The following BMPR1B variants were observed in gnomAD, a reference collection of about 807,000 sequenced individuals.
BMPR1B encodes bone morphogenetic protein receptor type 1B.
A neutral mutation model predicts 59.1 loss-of-function variants in BMPR1B; 12 were observed. That is an observed-to-expected ratio of 0.20 (90% CI 0.13 to 0.33). The LOEUF (loss-of-function observed/expected upper bound fraction) is 0.33, where lower values mean the gene tolerates loss of function less well. BMPR1B is among the 10% of genes least tolerant of loss of function. The pLI is 1.00. For missense variants in BMPR1B, 550 were observed against 610.9 expected (o/e 0.90, Z 1.05); for synonymous variants, 237 against 207.3 (o/e 1.14, Z -1.23).
At position 95,105,611 on chromosome 4, in the gene BMPR1B, G is replaced by A. The variant is rs541969531; in HGVS notation, c.143+1044G>A. On this transcript the variant is annotated intron_variant, in intron 4 of 12. Transcript: ENST00000515059. ...CAAGAAACATGACTGAGTAACACAG[G>A]GAGGGAAACCTGGGTGTATTCATAA... 3.9e-5 allele frequency among the ~76,000 whole-genome samples: 6 copies of A among 152,036 alleles called. No homozygotes were observed. The South Asian group carries it at 1.2e-3, about 32-fold the overall frequency.
intron 8 of BMPR1B, among the ~76,000 whole-genome samples, chr4:95,126,374 A>G (rs1214538519): frequency 1.3e-5 from 2 of 152,188 alleles, no homozygotes; most frequent in East Asian, 3.8e-4. Flanking sequence ...CCAAAAAATA[A>G]TATTTGGCTC....
chr4:94,875,295 A>G (rs1253074737), intron 1 of BMPR1B, among the ~76,000 whole-genome samples: 2 of 152,250 alleles, frequency 1.3e-5, no homozygotes, highest in South Asian at 2.1e-4. Flanking sequence ...CTACAGTGCT[A>G]TAGTGAAAAC....
chr4:94,858,135 A>G (rs1725841115), intron 1 of BMPR1B, among the ~76,000 whole-genome samples: 1 of 151,316 alleles, frequency 6.6e-6, no homozygotes, highest in South Asian at 2.1e-4. Context: ...TATTTTTAGT[A>G]GAGACAGGGT....
intron 2 of BMPR1B, among the ~76,000 whole-genome samples, chr4:94,890,876 T>C (rs1384994070): frequency 6.6e-6 from 1 of 152,008 alleles, no homozygotes; most frequent in Non-Finnish European, 1.5e-5. Context: ...CATTGGGGGT[T>C]AGGACTTTGG....
At chr4:94,942,733 C>CA (rs1199316027) in intron 2 of BMPR1B, among the ~76,000 whole-genome samples, 3 of 152,172 alleles carry the variant, frequency 2.0e-5, no homozygotes, top group Non-Finnish European at 4.4e-5. Flanking sequence ...ATTCTGGCCT[C>CA]AGAGTACAAC....
intron 1 of BMPR1B, among the ~76,000 whole-genome samples, chr4:94,777,202 T>G (rs1722405219): frequency 6.7e-6 from 1 of 149,662 alleles, no homozygotes; most frequent in African/African-American, 2.4e-5. Flanking sequence ...CAGCAGAGTA[T>G]CTATTTAATT....
intron 2 of BMPR1B, among the ~76,000 whole-genome samples, chr4:94,918,071 T>A (rs1444932): frequency 0.11 from 17,156 of 152,010 alleles, 2,151 homozygotes; most frequent in African/African-American, 0.31. Context: ...CTAGAAGCCT[T>A]TCAGATGCCA....
intron 1 of BMPR1B, among the ~76,000 whole-genome samples, chr4:94,760,624 C>T (rs192669065): frequency 3.0e-4 from 45 of 152,322 alleles, no homozygotes; most frequent in African/African-American, 1.1e-3. Context: ...TCACCACTGC[C>T]TCTGCCTCTC....
At chr4:94,850,106 G>A (rs1256429795) in intron 1 of BMPR1B, among the ~76,000 whole-genome samples, 1 of 151,988 alleles carries the variant, frequency 6.6e-6, no homozygotes, top group Non-Finnish European at 1.5e-5. Flanking sequence ...AGTGGGCTTT[G>A]ACTAAAGAGT....
rs569904908 is a variant in BMPR1B at position 94,776,243 on chromosome 4, T to C, written c.-183+18175T>C. Among the ~76,000 whole-genome samples, 5 of 152,268 alleles carry C rather than the reference T, an allele frequency of 3.3e-5. No homozygotes were observed. The East Asian group carries it at 7.7e-4, about 23-fold the overall frequency. On this transcript the variant is annotated intron_variant, in intron 1 of 12. Coordinates refer to ENST00000515059, the MANE Select transcript of BMPR1B (RefSeq NM_001203.3). ...GTTATTTTAAAAATCACTCTAATAA[T>C]GTTTATATTATCTATACAAAAGAAA...
At chr4:95,149,453 GTAT>G (rs1324448042) in intron 11 of BMPR1B, among the ~76,000 whole-genome samples, 1 of 152,122 alleles carries the variant, frequency 6.6e-6, no homozygotes, top group Non-Finnish European at 1.5e-5. Flanking sequence ...AAGTATCAGA[GTAT>G]TATTTTTTTA....
At chr4:94,812,969 C>G (rs1419982522) in intron 1 of BMPR1B, among the ~76,000 whole-genome samples, 1 of 148,042 alleles carries the variant, frequency 6.8e-6, no homozygotes, top group Non-Finnish European at 1.5e-5. Context: ...CTTATTGTGA[C>G]AACATAAGGT....
intron 3 of BMPR1B, among the ~76,000 whole-genome samples, chr4:95,039,495 A>G (rs993876911): frequency 4.0e-5 from 6 of 148,382 alleles, no homozygotes; most frequent in Non-Finnish European, 8.9e-5. Context: ...AAAGTTTTCC[A>G]TGTGTAGAAT....
At chr4:94,985,139 G>A (rs1021091311) in intron 2 of BMPR1B, among the ~76,000 whole-genome samples, 1 of 152,126 alleles carries the variant, frequency 6.6e-6, no homozygotes, top group Non-Finnish European at 1.5e-5. Context: ...CAAGGTCAAG[G>A]TGGTGGAAAG....
intron 10 of BMPR1B, among the ~76,000 whole-genome samples, chr4:95,144,694 A>G (rs1429463784): frequency 6.6e-6 from 1 of 152,158 alleles, no homozygotes; most frequent in African/African-American, 2.4e-5. Flanking sequence ...TGAAGTATAA[A>G]AGGGCAAAAT....
At chr4:94,842,889 C>G (rs531741534) in intron 1 of BMPR1B, among the ~76,000 whole-genome samples, 1 of 147,172 alleles carries the variant, frequency 6.8e-6, no homozygotes, top group African/African-American at 2.6e-5. Context: ...TTTCATTTTG[C>G]GTATACCTAC....
chr4:95,154,878 T>C lies in BMPR1B; in HGVS notation c.*205T>C. 1 of 634,704 alleles carries C rather than the reference T, an allele frequency of 1.6e-6. No individual in the cohort carries two copies. Among genetic ancestry groups the C allele is most frequent in the African/African-American group, 1.8e-5 (1 of 54,312 alleles). The allele number at this position is 634,704 out of a possible 1,614,324, so 39.3% of individuals were successfully genotyped here. ...AAGGAGAGATTGATCCATGTCTGTTTGTAGGACGGAGAAACCGCTTGGGTA... is the reference window on the plus strand; with the variant it reads ...AAGGAGAGATTGATCCATGTCTGTTCGTAGGACGGAGAAACCGCTTGGGTA... On this transcript the variant is annotated 3_prime_UTR_variant, in exon 13 of 13. Transcript: ENST00000515059.
At chr4:94,835,599 A>G (rs910581689) in intron 1 of BMPR1B, among the ~76,000 whole-genome samples, 2 of 152,220 alleles carry the variant, frequency 1.3e-5, no homozygotes, top group Non-Finnish European at 2.9e-5. Context: ...GTGGTGTGAA[A>G]GATACAATAA....
At chr4:95,087,862 A>G (rs534239356) in intron 3 of BMPR1B, among the ~76,000 whole-genome samples, 3 of 152,348 alleles carry the variant, frequency 2.0e-5, no homozygotes, top group African/African-American at 7.2e-5. Context: ...GCTTTCCTTG[A>G]TAGCATACAT....
Sources: allele counts gnomAD v4.1 joint callset (sites outside exome capture counted in the v4.1 genomes callset), GRCh38; gene constraint gnomAD v4.1.1; transcripts MANE v1.5; gene names NCBI Gene and HGNC (gene_info 2026-07-23, HGNC 2026-07-21).